Variants in SEMA3C observed in about 807,000 individuals in gnomAD.
The protein encoded by SEMA3C is semaphorin-3C.
A neutral mutation model predicts 89.4 loss-of-function variants in SEMA3C; 47 were observed. The ratio of observed to expected loss-of-function variants is 0.53; its 90% CI spans 0.42 to 0.67. The LOEUF (loss-of-function observed/expected upper bound fraction) is 0.67. SEMA3C is among the 30% of genes least tolerant of loss of function. The pLI is 0.00. For missense variants in SEMA3C, 839 were observed against 929.1 expected (o/e 0.90, Z 1.26); for synonymous variants, 310 against 320.2 (o/e 0.97, Z 0.34).
At chr7:80,767,831 A>T (rs377170452) in intron 12 of SEMA3C, among the ~76,000 whole-genome samples, 34 of 152,306 alleles carry the variant, frequency 2.2e-4, no homozygotes, top group Middle Eastern at 3.4e-3. Flanking sequence ...CTTCTATTCC[A>T]CAGGCACGAG....
At chr7:80,832,360 T>C (rs1238660727) in intron 2 of SEMA3C, among the ~76,000 whole-genome samples, 1 of 152,192 alleles carries the variant, frequency 6.6e-6, no homozygotes, top group Admixed American at 6.5e-5. Flanking sequence ...ACTCAAAGTA[T>C]GTTCCACCAG....
chr7:80,914,467 T>C (rs977695392), intron 2 of SEMA3C, among the ~76,000 whole-genome samples: 4 of 152,140 alleles, frequency 2.6e-5, no homozygotes, highest in Non-Finnish European at 5.9e-5. Flanking sequence ...TTTTGACAAC[T>C]GTTTTCGCCT....
chr7:80,859,541 A>C (rs1790722290), intron 2 of SEMA3C, among the ~76,000 whole-genome samples: 1 of 152,204 alleles, frequency 6.6e-6, no homozygotes. Context: ...TCTCTTAATC[A>C]CTTCGAGACA....
intron 15 of SEMA3C, among the ~76,000 whole-genome samples, chr7:80,754,957 G>GTTTTTTTTTTTTTTTTT (rs1368382376): frequency 2.8e-5 from 3 of 108,366 alleles, no homozygotes; most frequent in Non-Finnish European, 5.6e-5. Context: ...GTTTTTTTTT[G>GTTTTTTTTTTTTTTTTT]TTTTTTTTTT....
intron 2 of SEMA3C, among the ~76,000 whole-genome samples, chr7:80,877,358 A>G (rs1292306385): frequency 6.6e-6 from 1 of 152,160 alleles, no homozygotes; most frequent in Non-Finnish European, 1.5e-5. Flanking sequence ...AGTCATGCCT[A>G]CTGAATTCTT....
intron 2 of SEMA3C, among the ~76,000 whole-genome samples, chr7:80,887,006 A>G (rs1408226137): frequency 6.6e-6 from 1 of 152,180 alleles, no homozygotes; most frequent in African/African-American, 2.4e-5. Context: ...AATCATTAAT[A>G]TGTTATATAA....
chr7:80,783,631 G>A (rs1167127855), intron 12 of SEMA3C, among the ~76,000 whole-genome samples: 1 of 152,144 alleles, frequency 6.6e-6, no homozygotes, highest in African/African-American at 2.4e-5. Flanking sequence ...TTTACATGGG[G>A]TATTTTAAGG....
chr7:80,802,792 T>C lies in SEMA3C; in HGVS notation c.802-13A>G, dbSNP rs1007974556. On this transcript the variant is annotated splice_polypyrimidine_tract_variant and intron_variant, in intron 8 of 17. Transcript: ENST00000265361. ...CACCAGTGTCATTCTAAAACCATTT[T>C]GTAAACATAATTCAGATTGCTTAAG... 6.3e-7 allele frequency: 1 copy of C among 1,585,744 alleles called. No individual in the cohort carries two copies. The highest frequency in any genetic ancestry group is 8.7e-7 in the Non-Finnish European group (1 of 1,155,126).
In SEMA3C at chr7:80,810,040, A is replaced by C. The variant is rs144331800; in HGVS notation, c.538+571T>G. Among the ~76,000 whole-genome samples the C allele has an allele frequency of 5.2e-3, 789 of 152,274 alleles. 5 individuals are homozygous for C. The highest frequency in any genetic ancestry group is 0.017 in the African/African-American group (717 of 41,564). On this transcript the variant is annotated intron_variant, in intron 6 of 17. Coordinates refer to ENST00000265361, the MANE Select transcript of SEMA3C (RefSeq NM_006379.5). ...TATACTGCACAGTGACCATGGTGAC[A>C]GTAAATAAAATTTATTGCATATTTC...
chr7:80,901,035 T>C (rs1347588687), intron 2 of SEMA3C, among the ~76,000 whole-genome samples: 2 of 152,184 alleles, frequency 1.3e-5, no homozygotes, highest in East Asian at 1.9e-4. Context: ...AGTTCTGGCA[T>C]AACTGGATGG....
chr7:80,871,685 C>T (rs1363115596), intron 2 of SEMA3C, among the ~76,000 whole-genome samples: 1 of 152,058 alleles, frequency 6.6e-6, no homozygotes, highest in Non-Finnish European at 1.5e-5. Context: ...AAGTCTCTGC[C>T]CTCATGGTGC....
chr7:80,895,038 T>C (rs1241750675), intron 2 of SEMA3C, among the ~76,000 whole-genome samples: 1 of 152,314 alleles, frequency 6.6e-6, no homozygotes, highest in Non-Finnish European at 1.5e-5. Context: ...CAGTCACTAA[T>C]GGCATCCAAC....
At chr7:80,805,060 C>T (rs1341993152) in intron 7 of SEMA3C, among the ~76,000 whole-genome samples, 2 of 151,922 alleles carry the variant, frequency 1.3e-5, no homozygotes, top group East Asian at 3.9e-4. Context: ...GATGTGAATT[C>T]CATATGACTC....
chr7:80,784,512 G>T (rs1388929095), intron 12 of SEMA3C, among the ~76,000 whole-genome samples: 2 of 151,874 alleles, frequency 1.3e-5, no homozygotes, highest in African/African-American at 4.8e-5. Flanking sequence ...GCAACATAAT[G>T]AATTACTGTA....
At chr7:80,765,941 T>A (rs1379212006) in intron 12 of SEMA3C, among the ~76,000 whole-genome samples, 1 of 152,164 alleles carries the variant, frequency 6.6e-6, no homozygotes, top group African/African-American at 2.4e-5. Flanking sequence ...CATTATAAAG[T>A]GACAATCTCA....
chr7:80,750,491 CACACACACACAT>C lies in SEMA3C; in HGVS notation c.1711+766_1711+777del, dbSNP rs1165383826. Among the ~76,000 whole-genome samples, 718 of 144,498 alleles carry C rather than the reference CACACACACACAT, an allele frequency of 5.0e-3. 11 individuals are homozygous for C. Among genetic ancestry groups the C allele is most frequent in the African/African-American group, 0.017 (674 of 39,206 alleles). The allele number at this position is 144,498 out of a possible 152,430, so 94.8% of individuals were successfully genotyped here. On this transcript the variant is annotated intron_variant, in intron 16 of 17. Coordinates refer to ENST00000265361, the MANE Select transcript of SEMA3C (RefSeq NM_006379.5). ...ATATATATACACACACACACACACA[CACACACACACAT>C]ACACACACACACATTATATATATGC...
intron 16 of SEMA3C, 52 bp downstream of exon 16, chr7:80,751,217 T>C (rs888281417): frequency 3.6e-6 from 5 of 1,387,008 alleles, no homozygotes; most frequent in Admixed American, 3.4e-5. Flanking sequence ...TGAAATGTGA[T>C]ACGGAGCATT....
intron 3 of SEMA3C, 84 bp downstream of exon 3, chr7:80,828,501 C>G: frequency 1.8e-6 from 2 of 1,087,438 alleles, no homozygotes; most frequent in South Asian, 3.7e-5. Context: ...TAATAAAATG[C>G]ATATTATTTT....
chr7:80,786,127 C>G (rs888415931), intron 12 of SEMA3C, among the ~76,000 whole-genome samples: 7 of 152,166 alleles, frequency 4.6e-5, no homozygotes, highest in African/African-American at 1.4e-4. Flanking sequence ...TGTAAGCAAT[C>G]ATCAGTGCAG....
Sources: allele counts gnomAD v4.1 joint callset (sites outside exome capture counted in the v4.1 genomes callset), GRCh38; gene constraint gnomAD v4.1.1; transcripts MANE v1.5; gene names NCBI Gene and HGNC (gene_info 2026-07-23, HGNC 2026-07-21).